Variants in TRIO observed in about 807,000 individuals in gnomAD.
TRIO encodes triple functional domain protein.
Under a neutral mutation model 351.9 loss-of-function variants are expected in TRIO, and 58 were observed. The observed-to-expected ratio is 0.16, with a 90% confidence interval of 0.13 to 0.21. The LOEUF (loss-of-function observed/expected upper bound fraction) is 0.21. TRIO is among the 10% of genes least tolerant of loss of function. The pLI, the probability that TRIO is intolerant of heterozygous loss-of-function variation, is 1.00. For synonymous variants in TRIO, 1,758 were observed against 1,595.7 expected (o/e 1.10, Z -2.42); for missense variants, 3,201 against 4,027.8 (o/e 0.79, Z 5.56).
intron 34 of TRIO, among the ~76,000 whole-genome samples, chr5:14,432,048 C>T (rs1246643494): frequency 6.6e-6 from 1 of 152,182 alleles, no homozygotes; most frequent in African/African-American, 2.4e-5. Flanking sequence ...TAGGGGGACA[C>T]ACTTCAGCCC....
At chr5:14,265,902 G>A (rs972943126) in intron 1 of TRIO, among the ~76,000 whole-genome samples, 4 of 152,138 alleles carry the variant, frequency 2.6e-5, no homozygotes, top group African/African-American at 9.7e-5. Context: ...ATGATTGAAG[G>A]CTAAACTACC....
intron 19 of TRIO, among the ~76,000 whole-genome samples, chr5:14,374,846 TTG>T (rs560203658): frequency 1.3e-5 from 2 of 151,368 alleles, no homozygotes; most frequent in African/African-American, 2.4e-5. Context: ...AAAACCGTGT[TTG>T]TGTGTGTGTG....
intron 41 of TRIO, chr5:14,477,251 A>G: frequency 3.5e-6 from 1 of 285,722 alleles, no homozygotes; most frequent in Non-Finnish European, 6.5e-6. Context: ...GTGAACAGGC[A>G]GGTATTGTTG....
chr5:14,361,113 T>C (rs1744112753), intron 13 of TRIO, among the ~76,000 whole-genome samples: 1 of 152,086 alleles, frequency 6.6e-6, no homozygotes, highest in Admixed American at 6.6e-5. Flanking sequence ...TATTTTCAAC[T>C]AGAAAACACA....
rs1793056830 is a variant in TRIO, at chr5:14,226,686, A to G, written c.158-44139A>G. ...TTAACATTGTCCCTGAAGCTTGGTG[A>G]AGCATTACGTCTTCACTTATGTGAC... is the stretch of plus-strand genomic sequence containing the variant. On this transcript the variant is annotated intron_variant, in intron 1 of 56. Coordinates refer to ENST00000344204, the MANE Select transcript of TRIO (RefSeq NM_007118.4). Among the ~76,000 whole-genome samples the G allele has an allele frequency of 1.3e-5, 2 of 152,234 alleles. 1 individual carries two copies. The highest frequency in any genetic ancestry group is 4.8e-5 in the African/African-American group (2 of 41,454).
At chr5:14,228,465 C>T (rs1349553449) in intron 1 of TRIO, among the ~76,000 whole-genome samples, 1 of 152,240 alleles carries the variant, frequency 6.6e-6, no homozygotes, top group African/African-American at 2.4e-5. Context: ...AGCATAACTG[C>T]AGCAGCACAT....
At chr5:14,342,638 G>T (rs1169775829) in intron 11 of TRIO, among the ~76,000 whole-genome samples, 6 of 152,206 alleles carry the variant, frequency 3.9e-5, no homozygotes, top group Non-Finnish European at 8.8e-5. Context: ...TATATCTCTT[G>T]TGCAAAGTTG....
chr5:14,405,356 G>A (rs944049651), intron 31 of TRIO, among the ~76,000 whole-genome samples: 4 of 152,226 alleles, frequency 2.6e-5, no homozygotes, highest in African/African-American at 4.8e-5. Context: ...GACAGCATGC[G>A]AGAAGCCCTC....
At chr5:14,147,436 A>G (rs1050467877) in intron 1 of TRIO, among the ~76,000 whole-genome samples, 2 of 152,294 alleles carry the variant, frequency 1.3e-5, no homozygotes, top group African/African-American at 4.8e-5. Flanking sequence ...AGAGCTCCCT[A>G]TTTAACCTTG....
chr5:14,446,101 C>T (rs546205055), intron 34 of TRIO, among the ~76,000 whole-genome samples: 6 of 152,324 alleles, frequency 3.9e-5, no homozygotes, highest in African/African-American at 1.4e-4. Flanking sequence ...TCTCCATCTC[C>T]GCGCTTGCTT....
At chr5:14,230,287 A>T (rs1263341614) in intron 1 of TRIO, among the ~76,000 whole-genome samples, 1 of 152,020 alleles carries the variant, frequency 6.6e-6, no homozygotes, top group East Asian at 1.9e-4. Flanking sequence ...GTCTATGCTC[A>T]GGATTTTTAC....
At chr5:14,307,332 G>A (rs1449065557) in intron 8 of TRIO, among the ~76,000 whole-genome samples, 1 of 152,140 alleles carries the variant, frequency 6.6e-6, no homozygotes, top group African/African-American at 2.4e-5. Context: ...CTGGTCTGGG[G>A]CACTGTCCAG....
chr5:14,479,976 G>T lies in TRIO; in HGVS notation c.6301G>T (p.Val2101Leu), dbSNP rs1755393323. 2 of 1,614,070 alleles carry T rather than the reference G, an allele frequency of 1.2e-6. No homozygotes were observed. The highest frequency in any genetic ancestry group is 2.7e-5 in the African/African-American group (2 of 74,936). Reference sequence around the variant, plus strand: ...GCTCACAGATCTGTTGATCAAACCAGTGCAGAGAATCATGAAGTATCAGCT... The same window carrying T: ...GCTCACAGATCTGTTGATCAAACCATTGCAGAGAATCATGAAGTATCAGCT... ...LQLTDLLIKP[V>L]QRIMKYQLLL... Residue 2101 changes from valine to leucine, a missense_variant, in exon 43 of 57, where the codon GTG becomes TTG. Around this residue, in one of 19 missense-constraint regions of TRIO, gnomAD observed 307 missense variants for 396.5 expected, o/e 0.77. Coordinates refer to ENST00000344204, the MANE Select transcript of TRIO (RefSeq NM_007118.4).
chr5:14,402,572 G>T (rs11957857), intron 31 of TRIO, among the ~76,000 whole-genome samples: 35,334 of 151,878 alleles, frequency 0.23, 4,805 homozygotes, highest in Middle Eastern at 0.37. Context: ...TGGTGATGGC[G>T]GTGAAAGTTT....
intron 13 of TRIO, among the ~76,000 whole-genome samples, chr5:14,360,816 A>G (rs979230926): frequency 1.3e-5 from 2 of 152,252 alleles, no homozygotes; most frequent in Admixed American, 6.5e-5. Context: ...CGTTAACAAC[A>G]GACCTTCTTG....
chr5:14,310,844 C>T (rs185672549), intron 8 of TRIO, among the ~76,000 whole-genome samples: 2 of 152,286 alleles, frequency 1.3e-5, no homozygotes, highest in East Asian at 3.9e-4. Context: ...TGCCACCAGG[C>T]CCGGCTAATT....
intron 1 of TRIO, among the ~76,000 whole-genome samples, chr5:14,188,494 A>T (rs1790260608): frequency 6.6e-6 from 1 of 152,246 alleles, no homozygotes. Context: ...AGTATAATTT[A>T]ACACAATTTG....
chr5:14,488,067 A>G lies in TRIO; in HGVS notation c.7439A>G (p.Gln2480Arg), dbSNP rs765826959. The G allele has an allele frequency of 6.2e-7, 1 of 1,609,952 alleles. No individual in the cohort carries two copies. The highest frequency in any genetic ancestry group is 1.1e-5 in the South Asian group (1 of 90,794). ...CCCTTCCCCCCCAGCAGCCCCCTGCAGAAGGGGGGCTCCTTCTGGAGCTCC... is the reference window on the plus strand; with the variant it reads ...CCCTTCCCCCCCAGCAGCCCCCTGCGGAAGGGGGGCTCCTTCTGGAGCTCC... ...KEPFPPSSPL[Q>R]KGGSFWSSIP... is the part of the protein sequence containing the mutation. The change falls in exon 48 of 57, where the codon CAG becomes CGG. Residue 2480 changes from glutamine to arginine, a missense_variant. By Grantham distance (43) the Gln-to-Arg change is conservative. Coordinates refer to ENST00000344204, the MANE Select transcript of TRIO (RefSeq NM_007118.4).
At chr5:14,443,935 G>A (rs1380690155) in intron 34 of TRIO, among the ~76,000 whole-genome samples, 2 of 152,168 alleles carry the variant, frequency 1.3e-5, no homozygotes, top group African/African-American at 4.8e-5. Context: ...CCCTTTTATA[G>A]GACAGATGGA....
Sources: gnomAD v4.1 joint callset for allele counts (sites outside exome capture counted in the v4.1 genomes callset) on GRCh38, gnomAD v4.1.1 for gene constraint, gnomAD v4.1.1 regional missense constraint, MANE v1.5 for transcripts, NCBI Gene and HGNC (gene_info 2026-07-23, HGNC 2026-07-21) for gene names.